The following PTPRT variants were observed in gnomAD, a reference collection of about 807,000 sequenced individuals.
PTPRT encodes receptor-type tyrosine-protein phosphatase T.
Under a neutral mutation model 176.8 loss-of-function variants are expected in PTPRT, and 56 were observed. The observed-to-expected ratio is 0.32, with a 90% confidence interval of 0.26 to 0.40. PTPRT has a LOEUF of 0.40. Among genes scored for constraint, PTPRT ranks in the 10% least tolerant of loss-of-function variants. PTPRT has a pLI of 1.00. For missense variants in PTPRT, 1,540 were observed against 1,908.2 expected (o/e 0.81, Z 3.60); for synonymous variants, 783 against 739.0 (o/e 1.06, Z -0.96).
At chr20:42,474,610 C>T (rs2071254984) in intron 7 of PTPRT, among the ~76,000 whole-genome samples, 1 of 152,198 alleles carries the variant, frequency 6.6e-6, no homozygotes, top group South Asian at 2.1e-4. Context: ...CAAGCTGTTG[C>T]TGAGGGCCTA....
chr20:42,491,630 T>C (rs1030028199), intron 7 of PTPRT, among the ~76,000 whole-genome samples: 1 of 152,180 alleles, frequency 6.6e-6, no homozygotes, highest in African/African-American at 2.4e-5. Context: ...TTGTCCACCC[T>C]GGATGATAAA....
intron 9 of PTPRT, among the ~76,000 whole-genome samples, chr20:42,434,723 AG>A (rs2059246807): frequency 6.6e-6 from 1 of 151,048 alleles, no homozygotes. Flanking sequence ...GCACTTTGGG[AG>A]GCTGAGGCAT....
chr20:42,346,617 C>T (rs1280871727), intron 11 of PTPRT, among the ~76,000 whole-genome samples: 2 of 152,264 alleles, frequency 1.3e-5, no homozygotes, highest in East Asian at 1.9e-4. Context: ...GGGAGCCCCA[C>T]ACAGCAACAG....
intron 9 of PTPRT, among the ~76,000 whole-genome samples, chr20:42,383,802 C>T (rs921395134): frequency 2.0e-5 from 3 of 152,170 alleles, no homozygotes; most frequent in Non-Finnish European, 2.9e-5. Context: ...CAGACCCACA[C>T]CTCATCTCCA....
chr20:42,907,501 C>T (rs980441137), intron 1 of PTPRT, among the ~76,000 whole-genome samples: 10 of 151,870 alleles, frequency 6.6e-5, no homozygotes, highest in African/African-American at 2.2e-4. Context: ...ACTTGGAGGA[C>T]GCGACACAAT....
intron 13 of PTPRT, among the ~76,000 whole-genome samples, chr20:42,274,038 G>C (rs147959929): frequency 6.6e-6 from 1 of 152,188 alleles, no homozygotes. Context: ...GATGGATCAT[G>C]GATCTCAGCA....
intron 6 of PTPRT, among the ~76,000 whole-genome samples, chr20:42,706,620 A>G (rs1451925150): frequency 6.6e-6 from 1 of 152,148 alleles, no homozygotes; most frequent in Non-Finnish European, 1.5e-5. Context: ...TTCTTTCTTC[A>G]TTAGAAAGAA....
chr20:42,611,400 T>C (rs968032690), intron 7 of PTPRT, among the ~76,000 whole-genome samples: 5 of 152,200 alleles, frequency 3.3e-5, no homozygotes, highest in Admixed American at 2.6e-4. Context: ...TCTCATTTCA[T>C]CTTCAGAACG....
At chr20:42,976,371 T>G (rs1982949200) in intron 1 of PTPRT, among the ~76,000 whole-genome samples, 1 of 152,082 alleles carries the variant, frequency 6.6e-6, no homozygotes, top group African/African-American at 2.4e-5. Context: ...GAGTTGAAAT[T>G]AATTGTATTT....
At chr20:42,670,154 A>T (rs1307389874) in intron 7 of PTPRT, among the ~76,000 whole-genome samples, 1 of 152,156 alleles carries the variant, frequency 6.6e-6, no homozygotes, top group Non-Finnish European at 1.5e-5. Flanking sequence ...AGGGTCCATC[A>T]TGCTACAGTG....
chr20:42,299,429 T>C (rs1055601900), intron 12 of PTPRT, among the ~76,000 whole-genome samples: 1 of 152,098 alleles, frequency 6.6e-6, no homozygotes, highest in African/African-American at 2.4e-5. Flanking sequence ...AGAAAATATA[T>C]ATTGAACCCT....
the PTPRT span, among the ~76,000 whole-genome samples, chr20:42,040,014 C>A: frequency 6.6e-6 from 1 of 152,048 alleles, no homozygotes; most frequent in Non-Finnish European, 1.5e-5. Flanking sequence ...AACCACCATA[C>A]TGTTTTCCAC....
chr20:42,115,023 T>G (rs1357541605), intron 22 of PTPRT, among the ~76,000 whole-genome samples, 176 bp downstream of exon 22: 1 of 152,202 alleles, frequency 6.6e-6, no homozygotes, highest in African/African-American at 2.4e-5. Context: ...TTGCCCCACC[T>G]ACTAGATGTG....
chr20:43,044,377 T>G (rs777754725), intron 1 of PTPRT, among the ~76,000 whole-genome samples: 1 of 152,150 alleles, frequency 6.6e-6, no homozygotes, highest in African/African-American at 2.4e-5. Flanking sequence ...AGGTTACAGT[T>G]TCCCCCTCTC....
chr20:43,130,867 T>TA (rs962502396), intron 1 of PTPRT, among the ~76,000 whole-genome samples: 4 of 150,212 alleles, frequency 2.7e-5, no homozygotes, highest in Admixed American at 1.3e-4. Context: ...AATATCTTTT[T>TA]AAAAAATCAA....
intron 11 of PTPRT, among the ~76,000 whole-genome samples, chr20:42,323,590 A>G (rs1345404399): frequency 2.0e-5 from 3 of 152,030 alleles, no homozygotes; most frequent in Non-Finnish European, 4.4e-5. Context: ...GAAGGGGAAC[A>G]TCACACTCTG....
At chr20:42,906,317 G>A (rs2079477675) in intron 1 of PTPRT, among the ~76,000 whole-genome samples, 1 of 152,232 alleles carries the variant, frequency 6.6e-6, no homozygotes, top group South Asian at 2.1e-4. Context: ...GGGGCGGTCA[G>A]AGGGGAGCAC....
chr20:42,229,903 G>A (rs1368034604), intron 15 of PTPRT, among the ~76,000 whole-genome samples: 1 of 152,078 alleles, frequency 6.6e-6, no homozygotes, highest in Admixed American at 6.6e-5. Context: ...GACTTTAGCT[G>A]TATGTCCGTA....
chr20:42,300,146 T>C (rs1453455371), intron 12 of PTPRT, among the ~76,000 whole-genome samples: 1 of 149,942 alleles, frequency 6.7e-6, no homozygotes, highest in Non-Finnish European at 1.5e-5. Flanking sequence ...TAATCCCAGC[T>C]ACTCAGGAGG....
Sources: gnomAD v4.1 joint callset for allele counts (sites outside exome capture counted in the v4.1 genomes callset) on GRCh38, gnomAD v4.1.1 for gene constraint, MANE v1.5 for transcripts, NCBI Gene and HGNC (gene_info 2026-07-23, HGNC 2026-07-21) for gene names.